The following CHD5 variants were observed in gnomAD, a reference collection of about 807,000 sequenced individuals.
The protein encoded by CHD5 is ATP-dependent chromatin remodeler CHD5.
Under a neutral mutation model 230.3 loss-of-function variants are expected in CHD5, and 69 were observed. That is an observed-to-expected ratio of 0.30 (90% CI 0.25 to 0.37). CHD5 has a LOEUF of 0.37. Ranked by LOEUF, CHD5 falls within the 10% of genes least tolerant of loss-of-function variation. The pLI, the probability that CHD5 is intolerant of heterozygous loss-of-function variation, is 1.00. For synonymous variants in CHD5, 1,064 were observed against 1,065.9 expected, an observed-to-expected ratio of 1.00 and a Z score of 0.03; for missense variants, 1,827 against 2,622.8, an observed-to-expected ratio of 0.70 and a Z score of 6.63.
Position 6,155,880 on chromosome 1 carries a change from C to T in CHD5, c.388-163G>A, listed in dbSNP as rs1392102876. ...CACCCACCCTAGGAAACATTCAAGC[C>T]CTGCAGCCCCGCAGCCCCGCAGCCC... On this transcript the variant is annotated intron_variant, in intron 3 of 41. Transcript: ENST00000262450. This position sits in a 1 kb window ranked among gnomAD's most constrained non-coding sequence, Gnocchi z 4.0. Among the ~76,000 whole-genome samples the T allele has an allele frequency of 6.6e-6, 1 of 152,210 alleles. No individual in the cohort carries two copies. The highest frequency in any genetic ancestry group is 1.5e-5 in the Non-Finnish European group (1 of 68,044).
intron 1 of CHD5, among the ~76,000 whole-genome samples, chr1:6,172,097 C>T (rs76723054): frequency 0.046 from 6,995 of 152,328 alleles, 164 homozygotes; most frequent in African/African-American, 0.057. Context: ...TCCCAGTATG[C>T]GCCAGCTCAG....
rs764604388 is a variant in CHD5 at position 6,106,445 on chromosome 1, G to A, written c.5807C>T (p.Pro1936Leu). 12 of 1,572,390 alleles carry A rather than the reference G, an allele frequency of 7.6e-6. No individual in the cohort carries two copies. Among genetic ancestry groups the A allele is most frequent in the Admixed American group, 1.9e-5 (1 of 53,306 alleles). Reference protein sequence around the residue: ...NFGPNFRGPGPGGIVNYNQMP... With the variant: ...NFGPNFRGPGLGGIVNYNQMP... ...CTGGTTGTAGTTGACAATCCCTCCC[G>A]GTCCAGGGCCCCGGAAGTTGGGCCC... The change falls in exon 40 of 42, where the codon CCG becomes CTG. Residue 1936 changes from proline (P) to leucine (L), a missense_variant. By Grantham distance (98) the Pro-to-Leu change is moderately conservative. Transcript: ENST00000262450.
Position 6,134,669 on chromosome 1 carries a change from C to T in CHD5, c.3012+49G>A. The T allele has an allele frequency of 6.3e-7, 1 of 1,587,628 alleles. No homozygotes were observed. On this transcript the variant is annotated intron_variant, in intron 19 of 41. Coordinates refer to ENST00000262450, the MANE Select transcript of CHD5 (RefSeq NM_015557.3). The surrounding 1 kb of genome is among the most constrained non-coding windows in gnomAD (Gnocchi z 6.3). ...GACCTACCATGGCGGCCACAGGCAC[C>T]TACCATGGCGGTCATGGAGAAGCTG...
chr1:6,152,629 G>A, intron 5 of CHD5, 93 bp from the exon 6 acceptor site: 8 of 1,582,464 alleles, frequency 5.1e-6, no homozygotes, highest in Non-Finnish European at 6.9e-6. Context: ...ACCCAATAAG[G>A]AAAGGGTCAT....
rs1353228863 is a variant in CHD5, at chr1:6,149,366, C to T, written c.1041G>A (p.Glu347=). ...GYETDHQDYC[E]VCQQGGEIIL... is the part of the protein sequence containing the mutation. ...TGATCTCCCCACCCTGCTGGCACACCTCACAGTAATCCTGGTGGTCTGTCT... is the reference window on the plus strand; with the variant it reads ...TGATCTCCCCACCCTGCTGGCACACTTCACAGTAATCCTGGTGGTCTGTCT... Residue 347 remains glutamate (E), a synonymous_variant, in exon 8 of 42, where the codon GAG becomes GAA. Transcript: ENST00000262450. The T allele has an allele frequency of 6.2e-7, 1 of 1,613,492 alleles. No homozygotes were observed. Among genetic ancestry groups the T allele is most frequent in the African/African-American group, 1.3e-5 (1 of 74,884 alleles).
rs1402400781 is a variant in CHD5 at position 6,126,354 on chromosome 1, C to T, written c.4078+218G>A. On this transcript the variant is annotated intron_variant, in intron 26 of 41. Transcript: ENST00000262450. This position sits in a 1 kb window ranked among gnomAD's most constrained non-coding sequence, Gnocchi z 5.7. ...TCCTGGCACACTCGCCCAGCTCTCC[C>T]GGCCCGCACCTCCCGGGGGTTCTGC... Among the ~76,000 whole-genome samples the T allele has an allele frequency of 1.3e-5, 2 of 149,600 alleles. No homozygotes were observed. Among genetic ancestry groups the T allele is most frequent in the East Asian group, 2.0e-4 (1 of 5,018 alleles).
At chr1:6,112,096 A>G (rs1173948267) in intron 35 of CHD5, 44 bp downstream of exon 35, 1 of 1,600,630 alleles carries the variant, frequency 6.2e-7, no homozygotes, top group Middle Eastern at 1.7e-4. Context: ...TGGGACCCAC[A>G]GTCAGGAAGC....
chr1:6,110,363 C>G, intron 37 of CHD5, 31 bp downstream of exon 37: 1 of 1,577,024 alleles, frequency 6.3e-7, no homozygotes. Flanking sequence ...CCTCCCTGCC[C>G]CGTGCAGCCC....
chr1:6,168,382 C>T, intron 1 of CHD5, 105 bp from the exon 2 acceptor site: 1 of 1,392,920 alleles, frequency 7.2e-7, no homozygotes, highest in South Asian at 1.5e-5. Flanking sequence ...AGACACCCAA[C>T]TGTGCCAGGT....
At chr1:6,132,475 T>A (rs931296241) in intron 20 of CHD5, among the ~76,000 whole-genome samples, 1 of 152,210 alleles carries the variant, frequency 6.6e-6, no homozygotes, top group Non-Finnish European at 1.5e-5. Flanking sequence ...GCACTCCAGA[T>A]CTGAGACCTC....
chr1:6,107,040 A>T (rs1320653071), intron 38 of CHD5, among the ~76,000 whole-genome samples: 1 of 83,054 alleles, frequency 1.2e-5, no homozygotes, highest in East Asian at 4.3e-4. Context: ...GGGAAGATGG[A>T]GGGATGGAGG....
Position 6,148,926 on chromosome 1 carries a change from G to A in CHD5, c.1311C>T (p.Ser437=), listed in dbSNP as rs199808420. The change falls in exon 9 of 42, where the codon TCC becomes TCT. Residue 437 remains serine, a synonymous_variant. Transcript: ENST00000262450. ...ELLCCDACPS[S]YHLHCLNPPL... ...GCGGGTTGAGGCAATGCAGGTGGTA[G>A]GAGGAGGGGCAGGCGTCGCAGCAGA... 6 of 1,593,274 alleles carry A rather than the reference G, an allele frequency of 3.8e-6. No individual in the cohort carries two copies. The Admixed American group carries it at 8.6e-5, about 23-fold the overall frequency.
chr1:6,176,870 CT>C (rs1667436057), intron 1 of CHD5, among the ~76,000 whole-genome samples: 1 of 152,192 alleles, frequency 6.6e-6, no homozygotes, highest in Non-Finnish European at 1.5e-5. Flanking sequence ...CTCTTGACCC[CT>C]GGCTTCAACC....
chr1:6,127,497 A>AAG (rs1165626172), intron 25 of CHD5, among the ~76,000 whole-genome samples: 1 of 151,958 alleles, frequency 6.6e-6, no homozygotes, highest in Non-Finnish European at 1.5e-5. Context: ...AGAAAAAAAA[A>AAG]AAAAGAAAAT....
intron 2 of CHD5, among the ~76,000 whole-genome samples, chr1:6,161,174 G>A (rs1667172134): frequency 6.6e-6 from 1 of 152,126 alleles, no homozygotes; most frequent in Non-Finnish European, 1.5e-5. Context: ...AGAATGAGGA[G>A]GCAGCAAAGG....
chr1:6,159,751 C>CAGT (rs1667137493), intron 2 of CHD5, among the ~76,000 whole-genome samples: 1 of 152,270 alleles, frequency 6.6e-6, no homozygotes, highest in Non-Finnish European at 1.5e-5. Flanking sequence ...CCACAGGAAG[C>CAGT]AGTAGAACCT....
intron 37 of CHD5, 121 bp downstream of exon 37, chr1:6,110,273 G>A (rs1238375497): frequency 1.7e-6 from 2 of 1,157,776 alleles, no homozygotes; most frequent in Non-Finnish European, 2.5e-6. Context: ...GCTGCTTCGT[G>A]GCAGCGTGAC....
rs376732748 is a variant in CHD5, at chr1:6,106,385, G to A, written c.5857+10C>T. ...CGTGTGCATGCTGCCCGGAGCGGAC[G>A]GGCACCTACCGGTCACATAGGGCCC... is the stretch of plus-strand genomic sequence containing the variant. On this transcript the variant is annotated intron_variant, in intron 40 of 41. Transcript: ENST00000262450. 28 of 1,605,370 alleles carry A rather than the reference G, an allele frequency of 1.7e-5. No homozygotes were observed. In the East Asian group the frequency reaches 1.8e-4, roughly 10 times the overall value.
intron 6 of CHD5, 107 bp downstream of exon 6, chr1:6,152,305 C>T: frequency 7.6e-7 from 1 of 1,322,508 alleles, no homozygotes; most frequent in Non-Finnish European, 1.0e-6. Context: ...CGACCTGCCC[C>T]AGCTAGTTTG....
Sources: gnomAD v4.1 joint callset for allele counts (sites outside exome capture counted in the v4.1 genomes callset) on GRCh38, gnomAD v4.1.1 for gene constraint, Gnocchi (gnomAD v3.1) non-coding constraint, MANE v1.5 for transcripts, NCBI Gene and HGNC (gene_info 2026-07-23, HGNC 2026-07-21) for gene names.